The following ZNF215 variants were observed in gnomAD, a reference collection of about 807,000 sequenced individuals.
The protein encoded by ZNF215 is zinc finger protein 215.
ZNF215 carries 24 observed loss-of-function variants against 27.2 expected under a neutral mutation model. The observed-to-expected ratio is 0.88, with a 90% CI of 0.64 to 1.24. The LOEUF (loss-of-function observed/expected upper bound fraction) is 1.24. Ranked by LOEUF, ZNF215 falls within the 50% of genes most tolerant of loss-of-function variation. ZNF215 has a pLI of 0.00. For synonymous variants in ZNF215, 210 were observed against 204.0 expected, an observed-to-expected ratio of 1.03 and a Z score of -0.25; for missense variants, 675 against 605.7, an observed-to-expected ratio of 1.11 and a Z score of -1.20.
intron 3 of ZNF215, among the ~76,000 whole-genome samples, chr11:6,937,824 C>A (rs1408202642): frequency 6.6e-6 from 1 of 151,750 alleles, no homozygotes; most frequent in East Asian, 1.9e-4. Context: ...GGGGCCTTAC[C>A]TCATATCATG....
chr11:6,931,050 T>G (rs1849241205), intron 2 of ZNF215, among the ~76,000 whole-genome samples: 1 of 152,196 alleles, frequency 6.6e-6, no homozygotes, highest in Non-Finnish European at 1.5e-5. Context: ...GCTGTAACAG[T>G]CAAAACTGTT....
chr11:6,960,283 C>G (rs567324543), downstream of ZNF215, among the ~76,000 whole-genome samples: 30 of 152,168 alleles, frequency 2.0e-4, no homozygotes, highest in Non-Finnish European at 3.7e-4. Flanking sequence ...TTTAAAAAGT[C>G]AAGTTACAGG....
At chr11:6,980,850 A>T (rs980874682) in intron 5 of ZNF215, among the ~76,000 whole-genome samples, 4 of 148,486 alleles carry the variant, frequency 2.7e-5, no homozygotes, top group Non-Finnish European at 5.9e-5. Flanking sequence ...ATGAGTGAGA[A>T]TATGCAGTGT....
intron 3 of ZNF215, among the ~76,000 whole-genome samples, chr11:6,936,454 C>G (rs923090099): frequency 6.6e-6 from 1 of 151,972 alleles, no homozygotes. Context: ...AATAGAAAAT[C>G]TGAACTCAAC....
intron 2 of ZNF215, among the ~76,000 whole-genome samples, chr11:6,931,236 T>A (rs1369666202): frequency 6.6e-6 from 1 of 152,228 alleles, no homozygotes; most frequent in Non-Finnish European, 1.5e-5. Flanking sequence ...TCCTATAATT[T>A]GGCAGGCTCT....
intron 2 of ZNF215, among the ~76,000 whole-genome samples, chr11:6,928,395 C>T (rs1849135234): frequency 6.6e-6 from 1 of 151,942 alleles, no homozygotes; most frequent in South Asian, 2.1e-4. Context: ...AGAATTTTGC[C>T]AAAAATGTTT....
intron 5 of ZNF215, among the ~76,000 whole-genome samples, chr11:6,964,652 C>T (rs569204493): frequency 4.3e-4 from 64 of 150,356 alleles, no homozygotes; most frequent in East Asian, 1.4e-3. Flanking sequence ...AATATTTAGC[C>T]TTGAAATCAG....
chr11:6,942,651 T>G (rs1849668622), intron 4 of ZNF215, among the ~76,000 whole-genome samples: 1 of 152,180 alleles, frequency 6.6e-6, no homozygotes, highest in African/African-American at 2.4e-5. Flanking sequence ...ATTTCTTAAT[T>G]AAAGAAAATG....
At chr11:6,989,745 G>C (rs1261778976), downstream of ZNF215, among the ~76,000 whole-genome samples, 2 of 152,182 alleles carry the variant, frequency 1.3e-5, no homozygotes, top group East Asian at 3.8e-4. Flanking sequence ...GGTCACAGAA[G>C]AGTTGGCTCA....
At chr11:6,952,213 G>T (rs755821942) in intron 6 of ZNF215, among the ~76,000 whole-genome samples, 5 of 152,196 alleles carry the variant, frequency 3.3e-5, no homozygotes, top group Non-Finnish European at 5.9e-5. Flanking sequence ...ACATTCTGTT[G>T]ATTTGGGCTG....
chr11:6,955,771 A>G lies in ZNF215; in HGVS notation c.794A>G (p.Asp265Gly), dbSNP rs140723829. The G allele has an allele frequency of 9.9e-6, 16 of 1,611,762 alleles. No homozygotes were observed. In the African/African-American group the frequency reaches 1.7e-4, roughly 18 times the overall value. The part of the protein sequence containing the change: ...RLTESGHPSS[D>G]AWKGENWLYR... The stretch of plus-strand genomic sequence containing the variant: ...ACCGAAAGTGGACACCCTTCTTCAG[A>G]TGCCTGGAAAGGTGAGAATTGGTTA... Residue 265 changes from aspartate to glycine, a missense_variant, in exon 7 of 7, where the codon GAT (aspartate) becomes GGT (glycine). Physicochemically the swap from Asp to Gly is moderately conservative, Grantham distance 94 (BLOSUM62 -1). Coordinates refer to ENST00000278319, the MANE Select transcript of ZNF215 (RefSeq NM_013250.4).
intron 3 of ZNF215, among the ~76,000 whole-genome samples, chr11:6,938,638 G>C (rs1031131570): frequency 6.6e-6 from 1 of 151,992 alleles, no homozygotes; most frequent in Non-Finnish European, 1.5e-5. Context: ...AACATGCTAA[G>C]TGAGAGAAGT....
downstream of ZNF215, among the ~76,000 whole-genome samples, chr11:6,992,014 G>T (rs1225688906): frequency 6.6e-6 from 1 of 152,188 alleles, no homozygotes; most frequent in Non-Finnish European, 1.5e-5. Context: ...TATGGCAGAA[G>T]TGATAGTTTG....
downstream of ZNF215, among the ~76,000 whole-genome samples, chr11:6,962,463 C>T (rs1199941187): frequency 2.0e-5 from 3 of 152,132 alleles, no homozygotes; most frequent in African/African-American, 7.2e-5. Context: ...TGATAAGGGA[C>T]TTAGAGTGAA....
At chr11:6,940,375 A>AC (rs1190249519) in intron 3 of ZNF215, among the ~76,000 whole-genome samples, 3 of 152,064 alleles carry the variant, frequency 2.0e-5, no homozygotes, top group Non-Finnish European at 4.4e-5. Context: ...TGCGAACACC[A>AC]CTCACTGCAG....
chr11:6,978,022 A>G lies in ZNF215; in HGVS notation c.806-6107A>G, dbSNP rs144739927. ...TAGCTCACTCTGTTGGTGAATTTCA[A>G]TCCCATCAGTGTAATGCCTCTTTTT... On this transcript the variant is annotated intron_variant, in intron 5 of 5. Coordinates refer to the ZNF215 transcript ENST00000529903. 1.2e-3 allele frequency among the ~76,000 whole-genome samples: 179 copies of G among 152,182 alleles called. 1 individual carries two copies. The highest frequency in any genetic ancestry group is 1.8e-3 in the Admixed American group (28 of 15,256).
chr11:6,929,565 T>C (rs896100032), intron 2 of ZNF215, among the ~76,000 whole-genome samples: 3 of 152,328 alleles, frequency 2.0e-5, no homozygotes, highest in African/African-American at 7.2e-5. Context: ...TGGTTAAGTA[T>C]GGAGAACCAT....
downstream of ZNF215, among the ~76,000 whole-genome samples, chr11:6,959,986 T>C (rs1188503282): frequency 1.3e-5 from 2 of 152,114 alleles, no homozygotes; most frequent in African/African-American, 2.4e-5. Context: ...CATATATGAA[T>C]ATATATGATA....
chr11:6,989,294 C>G (rs1450885911), downstream of ZNF215, among the ~76,000 whole-genome samples: 20 of 152,084 alleles, frequency 1.3e-4, no homozygotes, highest in Admixed American at 1.3e-3. Flanking sequence ...AAACATCCCA[C>G]TTTCCCAAAC....
Sources: gnomAD v4.1 joint callset for allele counts (sites outside exome capture counted in the v4.1 genomes callset) on GRCh38, gnomAD v4.1.1 for gene constraint, MANE v1.5 for transcripts, NCBI Gene and HGNC (gene_info 2026-07-23, HGNC 2026-07-21) for gene names.